FMN2: variants seen among roughly 807,000 people sequenced by gnomAD.
The protein encoded by FMN2 is formin 2, also known as formin-2.
A neutral mutation model predicts 142.3 loss-of-function variants in FMN2; 51 were observed. The ratio of observed to expected loss-of-function variants is 0.36; its 90% confidence interval spans 0.29 to 0.45. FMN2 has a LOEUF of 0.45. Among genes scored for constraint, FMN2 ranks in the 20% least tolerant of loss-of-function variants. FMN2 has a pLI of 1.00. For synonymous variants in FMN2, 882 were observed against 869.8 expected, an observed-to-expected ratio of 1.01 and a Z score of -0.25; for missense variants, 1,936 against 2,122.8, an observed-to-expected ratio of 0.91 and a Z score of 1.73.
chr1:240,247,306 C>T lies in FMN2; in HGVS notation c.4066-10639C>T, dbSNP rs561735583. ...TCACCTGAGGTTGGGAGTTTGAGACCAGCCTGACCAACATGGAGAAACCCC... is the reference window on the plus strand; with the variant it reads ...TCACCTGAGGTTGGGAGTTTGAGACTAGCCTGACCAACATGGAGAAACCCC... On this transcript the variant is annotated intron_variant, in intron 6 of 17. Coordinates refer to ENST00000319653, the MANE Select transcript of FMN2 (RefSeq NM_020066.5). 2.6e-5 allele frequency among the ~76,000 whole-genome samples: 4 copies of T among 152,128 alleles called. No homozygotes were observed. The South Asian group carries it at 8.3e-4, about 32-fold the overall frequency.
At position 240,335,883 on chromosome 1, in the gene FMN2, C is replaced by G. The variant is rs562615670; in HGVS notation, c.4765+1654C>G. 2.0e-5 allele frequency among the ~76,000 whole-genome samples: 3 copies of G among 152,030 alleles called. No homozygotes were observed. In the South Asian group the frequency reaches 6.2e-4, roughly 32 times the overall value. ...AGCCGGCCAGGCATGGTGGCTCACA[C>G]CTGTAATCCCAGCACTTTGGGAGGC... is the stretch of plus-strand genomic sequence containing the variant. On this transcript the variant is annotated intron_variant, in intron 13 of 17. Coordinates refer to ENST00000319653, the MANE Select transcript of FMN2 (RefSeq NM_020066.5).
intron 7 of FMN2, among the ~76,000 whole-genome samples, chr1:240,290,793 G>GTTTTTTTTTTTTTTTT (rs761547443): frequency 9.4e-5 from 8 of 84,722 alleles, no homozygotes; most frequent in Admixed American, 3.5e-4. Flanking sequence ...TTTTTTTTTT[G>GTTTTTTTTTTTTTTTT]TTTTTTTTTT....
At chr1:240,245,286 G>C in intron 6 of FMN2, 1 of 343,000 alleles carries the variant, frequency 2.9e-6, no homozygotes, top group Non-Finnish European at 5.8e-6. Context: ...CAGGATGAAG[G>C]CAGTACAGAA....
chr1:240,152,598 C>T lies in FMN2; in HGVS notation c.1783-25323C>T, dbSNP rs112178905. On this transcript the variant is annotated intron_variant, in intron 2 of 17. Transcript: ENST00000319653. Reference sequence around the variant, plus strand: ...CTTGTTCCCATAATTGCTGGAGAACCTCAGCACAGTGGCCCTGTTGCCTGT... The same window carrying T: ...CTTGTTCCCATAATTGCTGGAGAACTTCAGCACAGTGGCCCTGTTGCCTGT... Among the ~76,000 whole-genome samples the T allele has an allele frequency of 4.6e-5, 7 of 152,260 alleles. 1 individual carries two copies. The highest frequency in any genetic ancestry group is 1.7e-4 in the African/African-American group (7 of 41,538).
chr1:240,194,862 G>C (rs2103359978), intron 4 of FMN2, among the ~76,000 whole-genome samples: 1 of 152,304 alleles, frequency 6.6e-6, no homozygotes, highest in South Asian at 2.1e-4. Context: ...GAGAATCTTT[G>C]TTAGAATTTA....
At chr1:240,256,584 C>CAA (rs34087707) in intron 6 of FMN2, among the ~76,000 whole-genome samples, 1,178 of 111,406 alleles carry the variant, frequency 0.011, 5 homozygotes, top group African/African-American at 0.015. Context: ...ACTAAAAATA[C>CAA]AAAAAAAAAA....
chr1:240,286,387 C>G (rs1004845285), intron 7 of FMN2, among the ~76,000 whole-genome samples: 1 of 152,114 alleles, frequency 6.6e-6, no homozygotes, highest in South Asian at 2.1e-4. Flanking sequence ...TCAGAATGAG[C>G]ATGTAACTGA....
Position 240,314,167 on chromosome 1 carries a change from C to T in FMN2, c.4216-14909C>T, listed in dbSNP as rs555578472. Reference sequence around the variant, plus strand: ...TTTTAATTATCATATAAGAATTCCACTGCTAGCATTCTATGAATAGTAGTT... The same window carrying T: ...TTTTAATTATCATATAAGAATTCCATTGCTAGCATTCTATGAATAGTAGTT... On this transcript the variant is annotated intron_variant, in intron 8 of 17. Transcript: ENST00000319653. 5.3e-5 allele frequency among the ~76,000 whole-genome samples: 8 copies of T among 152,220 alleles called. No homozygotes were observed. The South Asian group carries it at 1.7e-3, about 32-fold the overall frequency.
At chr1:240,199,029 C>T (rs61829162) in intron 4 of FMN2, among the ~76,000 whole-genome samples, 9,192 of 152,148 alleles carry the variant, frequency 0.06, 319 homozygotes, top group African/African-American at 0.071. Flanking sequence ...CGCTTGAACC[C>T]AGGAGGCAGA....
chr1:240,230,769 A>T (rs1667504318), intron 6 of FMN2, among the ~76,000 whole-genome samples: 1 of 131,544 alleles, frequency 7.6e-6, no homozygotes, highest in South Asian at 2.4e-4. Flanking sequence ...TGTGTACTTA[A>T]TTACCCCTGT....
At chr1:240,147,692 C>T (rs1351809977) in intron 2 of FMN2, among the ~76,000 whole-genome samples, 1 of 152,106 alleles carries the variant, frequency 6.6e-6, no homozygotes, top group Non-Finnish European at 1.5e-5. Context: ...TCTTGTTACA[C>T]TTGGAGATGC....
intron 8 of FMN2, among the ~76,000 whole-genome samples, chr1:240,304,082 T>C (rs1385730539): frequency 2.0e-5 from 3 of 152,178 alleles, no homozygotes; most frequent in Non-Finnish European, 4.4e-5. Context: ...GTACATTGTT[T>C]TCTTGGCTTG....
chr1:240,369,040 T>C (rs1012377926), intron 14 of FMN2, among the ~76,000 whole-genome samples: 2 of 152,050 alleles, frequency 1.3e-5, no homozygotes, highest in African/African-American at 4.8e-5. Flanking sequence ...GTACCGTGTG[T>C]GCACGCGCAC....
At chr1:240,260,535 G>A (rs771636869) in intron 7 of FMN2, among the ~76,000 whole-genome samples, 1 of 151,914 alleles carries the variant, frequency 6.6e-6, no homozygotes, top group Non-Finnish European at 1.5e-5. Context: ...ATGTTTGTTG[G>A]CCATTTGTAT....
At chr1:240,470,207 G>A (rs201199214) in intron 16 of FMN2, among the ~76,000 whole-genome samples, 37 of 131,050 alleles carry the variant, frequency 2.8e-4, no homozygotes, top group South Asian at 7.4e-4. Context: ...ACTAAGTGCT[G>A]AAAAAAAAAA....
intron 6 of FMN2, among the ~76,000 whole-genome samples, 196 bp from the exon 7 acceptor site, chr1:240,257,749 G>A (rs528524860): frequency 6.6e-6 from 1 of 152,066 alleles, no homozygotes. Context: ...GGGGAAAATG[G>A]TGGATTTTGA....
chr1:240,264,461 C>T (rs148181678), intron 7 of FMN2, among the ~76,000 whole-genome samples: 11 of 152,074 alleles, frequency 7.2e-5, no homozygotes, highest in East Asian at 1.9e-4. Context: ...ATATACATGC[C>T]ATGGTGGTTT....
chr1:240,253,093 C>T (rs1668337962), intron 6 of FMN2, among the ~76,000 whole-genome samples: 2 of 151,356 alleles, frequency 1.3e-5, no homozygotes, highest in South Asian at 4.2e-4. Flanking sequence ...GCTGGGATTA[C>T]AGGCATGCAC....
chr1:240,413,551 A>G (rs1674484967), intron 15 of FMN2, among the ~76,000 whole-genome samples: 2 of 152,196 alleles, frequency 1.3e-5, no homozygotes, highest in African/African-American at 4.8e-5. Context: ...ACTTACATTT[A>G]CACTGAGAGA....
Sources: gnomAD v4.1 joint callset for allele counts (sites outside exome capture counted in the v4.1 genomes callset) on GRCh38, gnomAD v4.1.1 for gene constraint, MANE v1.5 for transcripts, NCBI Gene and HGNC (gene_info 2026-07-23, HGNC 2026-07-21) for gene names.